Variants in FRRS1L observed in about 807,000 individuals in gnomAD.
The protein encoded by FRRS1L is ferric chelate reductase 1 like, also known as DOMON domain-containing protein FRRS1L.
Under a neutral mutation model 28.6 loss-of-function variants are expected in FRRS1L, and 22 were observed. The ratio of observed to expected loss-of-function variants is 0.77; its 90% CI spans 0.55 to 1.10. The LOEUF (loss-of-function observed/expected upper bound fraction) is 1.10. Ranked by LOEUF, FRRS1L falls within the 50% of genes least tolerant of loss-of-function variation. The probability of loss-of-function intolerance (pLI) is 0.00; values close to 1 mark genes in which losing one functional copy is unlikely to be tolerated. For missense variants in FRRS1L, 380 were observed against 386.9 expected, an observed-to-expected ratio of 0.98 and a Z score of 0.15; for synonymous variants, 158 against 151.4, an observed-to-expected ratio of 1.04 and a Z score of -0.32.
chr9:109,142,712 C>T (rs1254833942), intron 3 of FRRS1L, among the ~76,000 whole-genome samples: 1 of 151,914 alleles, frequency 6.6e-6, no homozygotes, highest in African/African-American at 2.4e-5. Context: ...ACTCAGGAGG[C>T]TGAGGTAGGA....
chr9:109,133,954 A>G lies in FRRS1L; in HGVS notation c.*3501T>C, dbSNP rs922473788. On this transcript the variant is annotated 3_prime_UTR_variant, in exon 5 of 5. Coordinates refer to ENST00000561981, the MANE Select transcript of FRRS1L (RefSeq NM_014334.4). ...CTATCGACTGCTAGTTCTCTGAGATAATGGTCAAAGGCCATTCTGTATCAC... is the reference window on the plus strand; with the variant it reads ...CTATCGACTGCTAGTTCTCTGAGATGATGGTCAAAGGCCATTCTGTATCAC... 5 of 152,208 alleles carry G rather than the reference A, an allele frequency of 3.3e-5. No individual in the cohort carries two copies. The highest frequency in any genetic ancestry group is 7.3e-5 in the Non-Finnish European group (5 of 68,052). The allele number at this position is 152,208 out of a possible 1,614,324, so 9.4% of individuals were successfully genotyped here. A position where few individuals can be genotyped will look rare whatever the true frequency, so the allele number is the denominator to read the frequency against.
rs1055754481 is a variant in FRRS1L at position 109,131,439 on chromosome 9, C to G, written c.*6016G>C. On this transcript the variant is annotated 3_prime_UTR_variant, in exon 5 of 5. Coordinates refer to ENST00000561981, the MANE Select transcript of FRRS1L (RefSeq NM_014334.4). Reference sequence around the variant, plus strand: ...TTGGGTTTTAAAGTAGGCAAGAGATCAGAAACAGAAACAACCTTGACAAAG... The same window carrying G: ...TTGGGTTTTAAAGTAGGCAAGAGATGAGAAACAGAAACAACCTTGACAAAG... 2 of 152,146 alleles carry G rather than the reference C, an allele frequency of 1.3e-5. No individual in the cohort carries two copies. The highest frequency in any genetic ancestry group is 3.8e-4 in the East Asian group (2 of 5,198). The allele number at this position is 152,146 out of a possible 1,614,324, so 9.4% of individuals were successfully genotyped here. A position where few individuals can be genotyped will look rare whatever the true frequency, so the allele number is the denominator to read the frequency against.
At chr9:109,138,492 G>A (rs149871572) in intron 4 of FRRS1L, 1 of 152,128 alleles carries the variant, frequency 6.6e-6, no homozygotes, top group Admixed American at 6.6e-5. Flanking sequence ...GGTCCTATCT[G>A]CTAGGGAAGC....
At chr9:109,164,687 C>T (rs1264106788) in intron 1 of FRRS1L, among the ~76,000 whole-genome samples, 4 of 152,208 alleles carry the variant, frequency 2.6e-5, no homozygotes, top group Non-Finnish European at 4.4e-5. Context: ...TGAAGCACCA[C>T]GCCCGGCCCC....
intron 1 of FRRS1L, among the ~76,000 whole-genome samples, chr9:109,160,063 A>G (rs986093128): frequency 6.6e-6 from 1 of 152,000 alleles, no homozygotes; most frequent in Non-Finnish European, 1.5e-5. Flanking sequence ...TTTGGTTTCT[A>G]TTTCATTAAT....
rs1341003516 is a variant in FRRS1L, at chr9:109,136,424, T to C, written c.*1031A>G. 2 of 151,782 alleles carry C rather than the reference T, an allele frequency of 1.3e-5. No homozygotes were observed. Among genetic ancestry groups the C allele is most frequent in the African/African-American group, 4.8e-5 (2 of 41,326 alleles). 9.4% of individuals were successfully genotyped at this position (151,782 alleles called of 1,614,324 possible). On this transcript the variant is annotated 3_prime_UTR_variant, in exon 5 of 5. Coordinates refer to ENST00000561981, the MANE Select transcript of FRRS1L (RefSeq NM_014334.4). ...TAACACAACTTTACATCTTCAGGAATGCTCACAGTTTGGTCTCCAACCTTT... is the reference window on the plus strand; with the variant it reads ...TAACACAACTTTACATCTTCAGGAACGCTCACAGTTTGGTCTCCAACCTTT...
At chr9:109,161,341 A>G (rs1217208482) in intron 1 of FRRS1L, among the ~76,000 whole-genome samples, 3 of 152,100 alleles carry the variant, frequency 2.0e-5, no homozygotes, top group Non-Finnish European at 4.4e-5. Context: ...CCTGAATGAG[A>G]CTACATTAAT....
In FRRS1L at chr9:109,131,695, AAAC is replaced by A. The variant is rs755563594; in HGVS notation, c.*5757_*5759del. The A allele has an allele frequency of 5.3e-5, 8 of 152,242 alleles. No individual in the cohort carries two copies. The highest frequency in any genetic ancestry group is 1.0e-4 in the Non-Finnish European group (7 of 68,038). The allele number at this position is 152,242 out of a possible 1,614,324, so 9.4% of individuals were successfully genotyped here. On this transcript the variant is annotated 3_prime_UTR_variant, in exon 5 of 5. Coordinates refer to ENST00000561981, the MANE Select transcript of FRRS1L (RefSeq NM_014334.4). ...CACTTTCATATCATCGTAAGTTTGA[AAAC>A]TCTTAAGTTGAACCATCCAAATTCG...
intron 2 of FRRS1L, 96 bp downstream of exon 2, chr9:109,149,540 C>A: frequency 1.3e-6 from 1 of 786,410 alleles, no homozygotes; most frequent in Admixed American, 2.3e-5. Flanking sequence ...GGAGCTCAGG[C>A]CCCCTGATTA....
chr9:109,137,345 G>T lies in FRRS1L; in HGVS notation c.*110C>A, dbSNP rs1831124892. The T allele has an allele frequency of 6.2e-6, 4 of 647,078 alleles. No homozygotes were observed. Among genetic ancestry groups the T allele is most frequent in the Non-Finnish European group, 9.4e-6 (4 of 426,022 alleles). The allele number at this position is 647,078 out of a possible 1,614,324, so 40.1% of individuals were successfully genotyped here. The stretch of plus-strand genomic sequence containing the variant: ...TTCCAAAAAGCTGAAATTATATGAG[G>T]TTTTTTTTCTTAAATAATTGAAGCT... On this transcript the variant is annotated 3_prime_UTR_variant, in exon 5 of 5. Coordinates refer to ENST00000561981, the MANE Select transcript of FRRS1L (RefSeq NM_014334.4).
At chr9:109,165,226 C>A (rs760394986) in intron 1 of FRRS1L, among the ~76,000 whole-genome samples, 15 of 152,244 alleles carry the variant, frequency 9.9e-5, no homozygotes, top group Non-Finnish European at 2.2e-4. Flanking sequence ...GACTACATTT[C>A]TTAGTCTCCC....
At chr9:109,146,907 C>G (rs923300506) in intron 3 of FRRS1L, 144 bp downstream of exon 3, 2 of 738,776 alleles carry the variant, frequency 2.7e-6, no homozygotes, top group South Asian at 1.8e-5. Flanking sequence ...TTTAAGCTAG[C>G]CTGAATTTTT....
At chr9:109,146,303 A>C (rs188459110) in intron 3 of FRRS1L, among the ~76,000 whole-genome samples, 156 of 152,360 alleles carry the variant, frequency 1.0e-3, no homozygotes, top group African/African-American at 3.7e-3. Flanking sequence ...TGAACAGAAG[A>C]GGGTGGTGGC....
intron 2 of FRRS1L, among the ~76,000 whole-genome samples, chr9:109,149,180 C>A (rs1588100076): frequency 6.6e-6 from 1 of 152,166 alleles, no homozygotes; most frequent in Non-Finnish European, 1.5e-5. Context: ...ACTCACCATG[C>A]CTGAGATAAC....
At chr9:109,149,531 G>A in intron 2 of FRRS1L, 105 bp downstream of exon 2, 1 of 731,268 alleles carries the variant, frequency 1.4e-6, no homozygotes, top group Non-Finnish European at 2.3e-6. Flanking sequence ...GGTGATCAAG[G>A]AGCTCAGGCC....
intron 1 of FRRS1L, among the ~76,000 whole-genome samples, chr9:109,160,519 T>G (rs920972198): frequency 1.3e-5 from 2 of 152,180 alleles, no homozygotes; most frequent in Admixed American, 1.3e-4. Context: ...CTCGTGTAGC[T>G]GGGACCACAG....
chr9:109,164,375 AT>A (rs1437366473), intron 1 of FRRS1L, among the ~76,000 whole-genome samples: 13 of 150,456 alleles, frequency 8.6e-5, no homozygotes, highest in African/African-American at 2.7e-4. Flanking sequence ...GCAGTTGAAT[AT>A]TCATTCAGGG....
intron 2 of FRRS1L, among the ~76,000 whole-genome samples, chr9:109,148,731 G>C (rs1267995940): frequency 1.3e-5 from 2 of 152,130 alleles, no homozygotes; most frequent in African/African-American, 2.4e-5. Context: ...TTAAAAAAAG[G>C]AGTAAATGGA....
At position 109,152,514 on chromosome 9, in the gene FRRS1L, A is replaced by C. The variant is rs76345240; in HGVS notation, c.239-2794T>G. Among the ~76,000 whole-genome samples, 189 of 151,782 alleles carry C rather than the reference A, an allele frequency of 1.2e-3. 3 individuals are homozygous for C. In the East Asian group the frequency reaches 0.032, roughly 26 times the overall value. On this transcript the variant is annotated intron_variant, in intron 1 of 4. Transcript: ENST00000561981. ...GGGTACGATTGTCTCTTTAAGAACA[A>C]CAAGTTTCAGCTGGGCATGGTGGCT...
Sources: allele counts gnomAD v4.1 joint callset (sites outside exome capture counted in the v4.1 genomes callset), GRCh38; gene constraint gnomAD v4.1.1; transcripts MANE v1.5; gene names NCBI Gene and HGNC (gene_info 2026-07-23, HGNC 2026-07-21).